Variants in CDCP1 observed in about 807,000 individuals in gnomAD.
CDCP1 encodes the protein CUB domain containing protein 1.
In CDCP1, 29 loss-of-function variants were observed where a neutral mutation model predicts 60.2. The ratio of observed to expected loss-of-function variants is 0.48; its 90% CI spans 0.36 to 0.66. The LOEUF (loss-of-function observed/expected upper bound fraction) is 0.66, where lower values mean the gene tolerates loss of function less well. Ranked by LOEUF, CDCP1 falls within the 30% of genes least tolerant of loss-of-function variation. CDCP1 has a pLI of 0.00. For missense variants in CDCP1, 876 were observed against 1,074.3 expected (o/e 0.82, Z 2.58); for synonymous variants, 387 against 431.1 (o/e 0.90, Z 1.27).
intron 1 of CDCP1, among the ~76,000 whole-genome samples, chr3:45,130,305 G>A (rs1476090896): frequency 6.6e-6 from 1 of 151,338 alleles, no homozygotes; most frequent in African/African-American, 2.5e-5. Context: ...AATTTTTGTA[G>A]AGCCAGGGTA....
chr3:45,142,081 C>G (rs1183710880), intron 1 of CDCP1, among the ~76,000 whole-genome samples: 3 of 152,190 alleles, frequency 2.0e-5, no homozygotes, highest in Non-Finnish European at 4.4e-5. Context: ...GATCTGCCCC[C>G]CTCAGCATCC....
At position 45,112,102 on chromosome 3, in the gene CDCP1, T is replaced by G. The variant is rs752818155; in HGVS notation, c.636A>C (p.Ala212=). ...HPRNVSGFSI[A]NRSSIKRLCI... ...TCTCACGTTTTATAGATGAGCGGTT[T>G]GCAATGCTGAAGCCGGAGACATTTC... The change falls in exon 3 of 9, where the codon GCA becomes GCC. Residue 212 remains alanine (A), a synonymous_variant. Transcript: ENST00000296129. The G allele has an allele frequency of 6.2e-7, 1 of 1,613,860 alleles. No homozygotes were observed. Among genetic ancestry groups the G allele is most frequent in the Admixed American group, 1.7e-5 (1 of 60,014 alleles).
intron 1 of CDCP1, among the ~76,000 whole-genome samples, chr3:45,124,838 C>A (rs1159630864): frequency 1.3e-5 from 2 of 152,190 alleles, no homozygotes; most frequent in East Asian, 1.9e-4. Context: ...TACCCTACCT[C>A]ATATCCACCC....
chr3:45,089,027 A>G lies in CDCP1; in HGVS notation c.2081+27T>C, dbSNP rs774401840. 3.2e-6 allele frequency: 5 copies of G among 1,574,200 alleles called. No homozygotes were observed. In the South Asian group the frequency reaches 4.4e-5, roughly 14 times the overall value. On this transcript the variant is annotated intron_variant, in intron 8 of 8. Coordinates refer to ENST00000296129, the MANE Select transcript of CDCP1 (RefSeq NM_022842.5). Reference sequence around the variant, plus strand: ...GTGATCTGAGGAGGCATCAAATCAGATAAAGAGAGTAAGAGATTCCACCTA... The same window carrying G: ...GTGATCTGAGGAGGCATCAAATCAGGTAAAGAGAGTAAGAGATTCCACCTA...
At chr3:45,117,479 G>A (rs1037331198) in intron 2 of CDCP1, among the ~76,000 whole-genome samples, 2 of 152,072 alleles carry the variant, frequency 1.3e-5, no homozygotes, top group East Asian at 1.9e-4. Context: ...ATGTGATCAC[G>A]TCACATGAGT....
rs551962131 is a variant in CDCP1 at position 45,103,636 on chromosome 3, A to G, written c.1024+6837T>C. Among the ~76,000 whole-genome samples the G allele has an allele frequency of 5.9e-5, 9 of 152,324 alleles. No homozygotes were observed. The South Asian group carries it at 1.9e-3, about 32-fold the overall frequency. On this transcript the variant is annotated intron_variant, in intron 4 of 8. Transcript: ENST00000296129. ...GGTGATTAGGTTGTTAAAACAGATT[A>G]ATCTCTTTCTCACAAGACTGGGTTA... is the stretch of plus-strand genomic sequence containing the variant.
intron 2 of CDCP1, among the ~76,000 whole-genome samples, chr3:45,113,710 C>T (rs11920532): frequency 0.022 from 3,403 of 152,276 alleles, 115 homozygotes; most frequent in African/African-American, 0.076. Flanking sequence ...GATCCCAGGA[C>T]GAAAGCTCAG....
chr3:45,089,097 G>A lies in CDCP1; in HGVS notation c.2038C>T (p.Leu680=), dbSNP rs752012611. 2.5e-6 allele frequency: 4 copies of A among 1,614,090 alleles called. No individual in the cohort carries two copies. The South Asian group carries it at 3.3e-5, about 13-fold the overall frequency. ...LIAAVGGGVL[L]LSALGLIICC... is the part of the protein sequence containing the mutation. ...ATGATGAGCCCGAGGGCAGACAGCAGTAAGACTCCACCTCCCACCGCTGCG... is the reference window on the plus strand; with the variant it reads ...ATGATGAGCCCGAGGGCAGACAGCAATAAGACTCCACCTCCCACCGCTGCG... The change falls in exon 8 of 9, where the codon CTG becomes TTG. Residue 680 remains leucine (L), a synonymous_variant. Coordinates refer to ENST00000296129, the MANE Select transcript of CDCP1 (RefSeq NM_022842.5).
chr3:45,086,498 C>T (rs528597912), intron 8 of CDCP1, among the ~76,000 whole-genome samples: 52 of 152,328 alleles, frequency 3.4e-4, no homozygotes, highest in Non-Finnish European at 5.9e-4. Flanking sequence ...AGTACTTTCC[C>T]GTAGCTCATG....
rs2125987760 is a variant in CDCP1, at chr3:45,085,686, T to G, written c.2463A>C (p.Thr821=). 4 of 1,614,206 alleles carry G rather than the reference T, an allele frequency of 2.5e-6. No homozygotes were observed. Among genetic ancestry groups the G allele is most frequent in the South Asian group, 2.2e-5 (2 of 91,080 alleles). ...PNNGDVSSKD[T]DIPLLNTQEP... ...CCTGAGTGTTCAGTAAGGGAATGTC[T>G]GTGTCCTTGCTGCTTACATCCCCAT... The change falls in exon 9 of 9, where the codon ACA becomes ACC. Residue 821 remains threonine, a synonymous_variant. Coordinates refer to ENST00000296129, the MANE Select transcript of CDCP1 (RefSeq NM_022842.5). The surrounding 1 kb of genome is among the most constrained non-coding windows in gnomAD (Gnocchi z 4.2).
At position 45,112,191 on chromosome 3, in the gene CDCP1, CA is replaced by C; in HGVS notation, c.546del (p.Val183CysfsTer10). 5 of 1,614,180 alleles carry C rather than the reference CA, an allele frequency of 3.1e-6. No homozygotes were observed. The highest frequency in any genetic ancestry group is 4.2e-6 in the Non-Finnish European group (5 of 1,180,038). On this transcript the variant is annotated frameshift_variant, in exon 3 of 9. Transcript: ENST00000296129. LOFTEE classifies it high-confidence loss of function. Reference sequence around the variant, plus strand: ...CCTTCTTGCATCTTGATCCGGGACACAGTGCCATTGCTGCAGAAGGTTCCGA... The same window carrying C: ...CCTTCTTGCATCTTGATCCGGGACACGTGCCATTGCTGCAGAAGGTTCCGA... ...VRIGTFCSNG[T>X]VSRIKMQEGV...
intron 7 of CDCP1, 70 bp from the exon 8 acceptor site, chr3:45,089,211 T>A (rs1698250199): frequency 7.9e-7 from 1 of 1,268,302 alleles, no homozygotes; most frequent in African/African-American, 1.5e-5. Context: ...ACTTGAGGCA[T>A]CTCCAAAAGC....
intron 4 of CDCP1, among the ~76,000 whole-genome samples, chr3:45,107,301 G>A (rs1698582841): frequency 6.6e-6 from 1 of 151,924 alleles, no homozygotes; most frequent in Non-Finnish European, 1.5e-5. Context: ...CCACCTCCCG[G>A]GTTCAAGCGA....
intron 1 of CDCP1, among the ~76,000 whole-genome samples, chr3:45,120,755 A>T (rs1451253641): frequency 6.6e-6 from 1 of 151,756 alleles, no homozygotes; most frequent in Middle Eastern, 3.2e-3. Context: ...GAACACACCA[A>T]CCTCTTTCCC....
intron 4 of CDCP1, among the ~76,000 whole-genome samples, chr3:45,108,062 G>C (rs572840425): frequency 6.6e-6 from 1 of 151,946 alleles, no homozygotes; most frequent in East Asian, 1.9e-4. Flanking sequence ...AGGTTACAGT[G>C]AGCTGAGAGC....
At chr3:45,139,613 G>C (rs1209360452) in intron 1 of CDCP1, 1 of 152,230 alleles carries the variant, frequency 6.6e-6, no homozygotes, top group Non-Finnish European at 1.5e-5. Context: ...GGGAGAGCCT[G>C]GTGTTTGTAT....
chr3:45,134,694 G>A (rs1451147620), intron 1 of CDCP1, among the ~76,000 whole-genome samples: 1 of 152,164 alleles, frequency 6.6e-6, no homozygotes, highest in Non-Finnish European at 1.5e-5. Flanking sequence ...CCTTGCAAGC[G>A]ACCACAAGCC....
intron 1 of CDCP1, among the ~76,000 whole-genome samples, chr3:45,119,708 A>G (rs905139588): frequency 2.0e-5 from 3 of 152,242 alleles, no homozygotes; most frequent in East Asian, 3.8e-4. Context: ...ATTTTTAAAA[A>G]ATCAACCTTA....
chr3:45,086,895 C>T (rs1698204618), intron 8 of CDCP1, among the ~76,000 whole-genome samples: 1 of 152,184 alleles, frequency 6.6e-6, no homozygotes, highest in African/African-American at 2.4e-5. Flanking sequence ...GACATTAGCT[C>T]AATTAGCGTA....
Sources: gnomAD v4.1 joint callset for allele counts (sites outside exome capture counted in the v4.1 genomes callset) on GRCh38, gnomAD v4.1.1 for gene constraint, Gnocchi (gnomAD v3.1) non-coding constraint, MANE v1.5 for transcripts, NCBI Gene and HGNC (gene_info 2026-07-23, HGNC 2026-07-21) for gene names.